Variants in COL13A1 observed in about 807,000 individuals in gnomAD.
The protein encoded by COL13A1 is collagen alpha-1(XIII) chain.
In COL13A1, 89 loss-of-function variants were observed where a neutral mutation model predicts 130.9. That is an observed-to-expected ratio of 0.68 (90% CI 0.57 to 0.81). The LOEUF is 0.81. Ranked by LOEUF, COL13A1 falls within the 30% of genes least tolerant of loss-of-function variation. The probability of loss-of-function intolerance (pLI) is 0.00; values close to 1 mark genes in which losing one functional copy is unlikely to be tolerated. For missense variants in COL13A1, 879 were observed against 934.6 expected (o/e 0.94, Z 0.78); for synonymous variants, 402 against 341.6 (o/e 1.18, Z -1.95).
intron 31 of COL13A1, 121 bp downstream of exon 31, chr10:69,932,725 C>T: frequency 1.5e-6 from 1 of 685,246 alleles, no homozygotes; most frequent in Admixed American, 2.1e-5. Flanking sequence ...TGAGCACCAC[C>T]ATAGGTCAGG....
At chr10:69,811,710 C>T (rs938391823) in intron 1 of COL13A1, among the ~76,000 whole-genome samples, 6 of 152,170 alleles carry the variant, frequency 3.9e-5, no homozygotes, top group African/African-American at 1.4e-4. Context: ...ACGGGGAGCT[C>T]ACTACCTTAT....
chr10:69,828,954 G>A (rs1261270193), intron 2 of COL13A1, among the ~76,000 whole-genome samples: 3 of 152,214 alleles, frequency 2.0e-5, no homozygotes, highest in African/African-American at 4.8e-5. Flanking sequence ...AGCAAGAGTA[G>A]CTTTTGTGGG....
At chr10:69,925,333 G>A (rs1359291085) in intron 25 of COL13A1, among the ~76,000 whole-genome samples, 1 of 152,238 alleles carries the variant, frequency 6.6e-6, no homozygotes, top group Non-Finnish European at 1.5e-5. Context: ...ACATGGAGCA[G>A]CTACCTGTGG....
intron 5 of COL13A1, among the ~76,000 whole-genome samples, chr10:69,876,597 C>T (rs190387416): frequency 1.2e-4 from 18 of 152,308 alleles, no homozygotes; most frequent in African/African-American, 4.1e-4. Flanking sequence ...TGTTTTCTTC[C>T]GTTCTCTAAC....
chr10:69,878,408 C>A (rs2059818503), intron 6 of COL13A1, among the ~76,000 whole-genome samples: 1 of 152,174 alleles, frequency 6.6e-6, no homozygotes, highest in African/African-American at 2.4e-5. Flanking sequence ...TAGAGCCCCC[C>A]TGGGAAGTCA....
chr10:69,853,429 G>A (rs577772667), intron 2 of COL13A1, among the ~76,000 whole-genome samples: 25 of 152,324 alleles, frequency 1.6e-4, no homozygotes, highest in South Asian at 1.0e-3. Flanking sequence ...TCATTCCTGT[G>A]AGGGAACACA....
chr10:69,875,508 A>G (rs1437717354), intron 5 of COL13A1, among the ~76,000 whole-genome samples: 1 of 152,154 alleles, frequency 6.6e-6, no homozygotes, highest in Non-Finnish European at 1.5e-5. Context: ...TCCGCCCCCC[A>G]AAGCTGGCAG....
At chr10:69,880,442 G>C (rs1039900750) in intron 6 of COL13A1, 61 bp from the exon 7 acceptor site, 19 of 971,044 alleles carry the variant, frequency 2.0e-5, no homozygotes, top group African/African-American at 3.2e-5. Flanking sequence ...TCTCTTTCCC[G>C]CTCCTCTTCT....
Position 69,930,510 on chromosome 10 carries a change from A to G in COL13A1, c.1641A>G (p.Gly547=). The G allele has an allele frequency of 6.2e-7, 1 of 1,613,828 alleles. No individual in the cohort carries two copies. Among genetic ancestry groups the G allele is most frequent in the Non-Finnish European group, 8.5e-7 (1 of 1,179,818 alleles). Residue 547 remains glycine (G), a synonymous_variant, in exon 30 of 41, where the codon GGA becomes GGG. Transcript: ENST00000645393. ...KGENGHPGSP[G]EKGEKGETGQ... is the part of the protein sequence containing the mutation. ...AAAACGGGCACCCAGGGAGCCCAGG[A>G]GAGAAGGGGGAAAAAGGGGAGACAG... is the stretch of plus-strand genomic sequence containing the variant.
intron 1 of COL13A1, among the ~76,000 whole-genome samples, chr10:69,810,161 T>G (rs1360985901): frequency 6.6e-6 from 1 of 152,170 alleles, no homozygotes; most frequent in African/African-American, 2.4e-5. Flanking sequence ...CCAGATGTCC[T>G]CAAAGGCTTG....
At position 69,878,126 on chromosome 10, in the gene COL13A1, A is replaced by T. The variant is rs1354587010; in HGVS notation, c.462+61A>T. 3 of 700,656 alleles carry T rather than the reference A, an allele frequency of 4.3e-6. No homozygotes were observed. In the African/African-American group the frequency reaches 5.3e-5, roughly 12 times the overall value. 43.4% of individuals were successfully genotyped at this position (700,656 alleles called of 1,614,324 possible). A position where few individuals can be genotyped will look rare whatever the true frequency, so the allele number is the denominator to read the frequency against. On this transcript the variant is annotated intron_variant, in intron 6 of 40. Transcript: ENST00000645393. ...GCCTCCTCCTCCAGGTGGACTCTTG[A>T]TGGGAGGCTCTCAGCCCTCCCCCCC...
rs188520340 is a variant in COL13A1 at position 69,919,520 on chromosome 10, C to T, written c.1027-145C>T. 157 of 398,774 alleles carry T rather than the reference C, an allele frequency of 3.9e-4. 1 individual carries two copies. The highest frequency in any genetic ancestry group is 2.6e-3 in the African/African-American group (125 of 48,748). 24.7% of individuals were successfully genotyped at this position (398,774 alleles called of 1,614,324 possible). ...AATATCTTATGTGGCATTTTCAAAA[C>T]GTTTTTGACCAGAACACCCTTTTTT... is the stretch of plus-strand genomic sequence containing the variant. On this transcript the variant is annotated intron_variant, in intron 20 of 40. Transcript: ENST00000645393.
intron 2 of COL13A1, among the ~76,000 whole-genome samples, chr10:69,836,927 G>A (rs1850227828): frequency 6.6e-6 from 1 of 150,998 alleles, no homozygotes; most frequent in African/African-American, 2.4e-5. Flanking sequence ...TATGTGAGCT[G>A]TCACGGGGTG....
At chr10:69,850,957 G>T (rs1854610422) in intron 2 of COL13A1, among the ~76,000 whole-genome samples, 1 of 152,214 alleles carries the variant, frequency 6.6e-6, no homozygotes, top group African/African-American at 2.4e-5. Context: ...CAGCACCCTA[G>T]CATCTGAAGG....
At chr10:69,851,685 C>T (rs1045166603) in intron 2 of COL13A1, among the ~76,000 whole-genome samples, 16 of 152,020 alleles carry the variant, frequency 1.1e-4, no homozygotes, top group Non-Finnish European at 1.9e-4. Flanking sequence ...GATGGAGTCT[C>T]ACTCTGTTGT....
At chr10:69,908,577 T>C (rs906869084) in intron 17 of COL13A1, among the ~76,000 whole-genome samples, 1 of 152,188 alleles carries the variant, frequency 6.6e-6, no homozygotes, top group Non-Finnish European at 1.5e-5. Context: ...GAAGAGTGAT[T>C]CATCCAGAAG....
chr10:69,912,826 G>A (rs1261501818), intron 17 of COL13A1, among the ~76,000 whole-genome samples: 1 of 152,200 alleles, frequency 6.6e-6, no homozygotes, highest in East Asian at 1.9e-4. Context: ...TCAACAAACA[G>A]TAAATCGCCA....
At chr10:69,834,330 C>T (rs1849515701) in intron 2 of COL13A1, among the ~76,000 whole-genome samples, 1 of 152,100 alleles carries the variant, frequency 6.6e-6, no homozygotes. Context: ...TTGGGGACCC[C>T]CGCTCTAAGA....
chr10:69,876,203 G>A (rs998938556), intron 5 of COL13A1, among the ~76,000 whole-genome samples: 7 of 152,188 alleles, frequency 4.6e-5, no homozygotes, highest in African/African-American at 1.4e-4. Flanking sequence ...CTACTCTTCC[G>A]ATGAGAAAAC....
Sources: allele counts gnomAD v4.1 joint callset (sites outside exome capture counted in the v4.1 genomes callset), GRCh38; gene constraint gnomAD v4.1.1; transcripts MANE v1.5; gene names NCBI Gene and HGNC (gene_info 2026-07-23, HGNC 2026-07-21).